Variants in TMPRSS11B observed in about 807,000 individuals in gnomAD.
TMPRSS11B encodes transmembrane serine protease 11B, also known as transmembrane protease serine 11B.
A neutral mutation model predicts 44.7 loss-of-function variants in TMPRSS11B; 53 were observed. The observed-to-expected ratio is 1.19, with a 90% CI of 0.95 to 1.49. The LOEUF is 1.49. Among genes scored for constraint, TMPRSS11B ranks in the 40% most tolerant of loss-of-function variants. TMPRSS11B has a pLI of 0.00. For missense variants in TMPRSS11B, 526 were observed against 494.8 expected, an observed-to-expected ratio of 1.06 and a Z score of -0.60; for synonymous variants, 140 against 159.2, an observed-to-expected ratio of 0.88 and a Z score of 0.91.
rs180906425 is a variant in TMPRSS11B, at chr4:68,233,003, C to T, written c.470-587G>A. On this transcript the variant is annotated intron_variant, in intron 5 of 9. Coordinates refer to ENST00000332644, the MANE Select transcript of TMPRSS11B (RefSeq NM_182502.3). ...TATACTTCACTGAGCCCATCCTGCTCTTTAGGGAAATCTCCTTACTAAGAA... is the reference window on the plus strand; with the variant it reads ...TATACTTCACTGAGCCCATCCTGCTTTTTAGGGAAATCTCCTTACTAAGAA... 3.3e-5 allele frequency among the ~76,000 whole-genome samples: 5 copies of T among 152,180 alleles called. No homozygotes were observed. The East Asian group carries it at 9.7e-4, about 29-fold the overall frequency.
At chr4:68,236,479 A>C (rs1033572263) in intron 2 of TMPRSS11B, among the ~76,000 whole-genome samples, 2 of 152,122 alleles carry the variant, frequency 1.3e-5, no homozygotes, top group Admixed American at 6.6e-5. Context: ...CTCAACATTC[A>C]ACCCAGCTTT....
At chr4:68,239,479 T>C (rs1719765378) in intron 2 of TMPRSS11B, among the ~76,000 whole-genome samples, 1 of 152,194 alleles carries the variant, frequency 6.6e-6, no homozygotes, top group Admixed American at 6.5e-5. Flanking sequence ...TGAAAAAATG[T>C]CTGTTGTTTA....
chr4:68,242,742 T>G (rs1026953436), intron 1 of TMPRSS11B, among the ~76,000 whole-genome samples: 1 of 151,726 alleles, frequency 6.6e-6, no homozygotes, highest in Non-Finnish European at 1.5e-5. Flanking sequence ...AGCTATTTTT[T>G]TGTAATAGAG....
At position 68,231,335 on chromosome 4, in the gene TMPRSS11B, A is replaced by G. The variant is rs558088126; in HGVS notation, c.554T>C (p.Ile185Thr). Residue 185 changes from isoleucine (I) to threonine (T), a missense_variant, in exon 7 of 10, where the codon ATT becomes ACT. Ile to Thr is a moderately conservative substitution (Grantham distance 89). Coordinates refer to ENST00000332644, the MANE Select transcript of TMPRSS11B (RefSeq NM_182502.3). Reference sequence around the variant, plus strand: ...CTCCAGGGAGCTTTTTCCATTCACAATTTTGTTGCCAGTTATGATACTGTT... The same window carrying G: ...CTCCAGGGAGCTTTTTCCATTCACAGTTTTGTTGCCAGTTATGATACTGTT... ...VANSIITGNK[I>T]VNGKSSLEGA... 14 of 1,613,822 alleles carry G rather than the reference A, an allele frequency of 8.7e-6. No homozygotes were observed. Among genetic ancestry groups the G allele is most frequent in the Middle Eastern group, 1.7e-4 (1 of 6,046 alleles).
intron 7 of TMPRSS11B, 183 bp from the exon 8 acceptor site, chr4:68,229,699 A>G: frequency 3.9e-6 from 2 of 507,000 alleles, no homozygotes; most frequent in Non-Finnish European, 6.8e-6. Flanking sequence ...CTTAAAAATA[A>G]TGCTAAGGAC....
At chr4:68,239,576 A>G (rs1280238177) in intron 2 of TMPRSS11B, among the ~76,000 whole-genome samples, 1 of 152,238 alleles carries the variant, frequency 6.6e-6, no homozygotes, top group African/African-American at 2.4e-5. Flanking sequence ...TCTATATTCT[A>G]TACTGTGGTC....
At chr4:68,228,664 C>G (rs1719419871) in intron 9 of TMPRSS11B, 78 bp downstream of exon 9, 1 of 1,479,068 alleles carries the variant, frequency 6.8e-7, no homozygotes, top group Admixed American at 2.3e-5. Context: ...ATTATTAACA[C>G]AAAAAAAATT....
intron 1 of TMPRSS11B, among the ~76,000 whole-genome samples, chr4:68,242,221 T>A (rs1247746582): frequency 0.18 from 1,392 of 7,680 alleles, 76 homozygotes; most frequent in African/African-American, 0.28. Context: ...TATATAATAT[T>A]ATATTATATT....
At chr4:68,239,063 G>T (rs191907024) in intron 2 of TMPRSS11B, among the ~76,000 whole-genome samples, 24 of 152,186 alleles carry the variant, frequency 1.6e-4, no homozygotes, top group African/African-American at 5.8e-4. Context: ...ATTTTCACTT[G>T]ATTTTTACTG....
intron 1 of TMPRSS11B, among the ~76,000 whole-genome samples, chr4:68,242,356 AT>A (rs1264377714): frequency 1.9e-4 from 15 of 79,490 alleles, no homozygotes; most frequent in Admixed American, 8.7e-4. Context: ...TATATATAAT[AT>A]TATATTATAT....
intron 1 of TMPRSS11B, 100 bp downstream of exon 1, chr4:68,245,451 C>CAG: frequency 4.6e-6 from 6 of 1,314,298 alleles, no homozygotes; most frequent in Non-Finnish European, 6.6e-6. Flanking sequence ...GGAATAAAAA[C>CAG]TAAATTATAA....
chr4:68,233,256 T>G (rs1040507873), intron 5 of TMPRSS11B, among the ~76,000 whole-genome samples: 17 of 152,082 alleles, frequency 1.1e-4, no homozygotes, highest in Non-Finnish European at 1.9e-4. Flanking sequence ...TTCTTATTAG[T>G]GGTTCACTGG....
Position 68,228,018 on chromosome 4 carries a change from C to T in TMPRSS11B, c.1144G>A (p.Val382Ile). The T allele has an allele frequency of 6.2e-7, 1 of 1,613,844 alleles. No homozygotes were observed. Among genetic ancestry groups the T allele is most frequent in the Admixed American group, 1.7e-5 (1 of 59,948 alleles). Residue 382 changes from valine to isoleucine, a missense_variant, in exon 10 of 10, where the codon GTT becomes ATT. Coordinates refer to ENST00000332644, the MANE Select transcript of TMPRSS11B (RefSeq NM_182502.3). ...CCATCACCCCAGCTTACTATTCCAA[C>T]AAGATGCCAGATATTTCTGGAATCA... ...YPDSRNIWHLVGIVSWGDGCG... is the reference protein window; with the variant it reads ...YPDSRNIWHLIGIVSWGDGCG...
At chr4:68,230,675 G>A (rs4860921) in intron 7 of TMPRSS11B, among the ~76,000 whole-genome samples, 108,264 of 151,842 alleles carry the variant, frequency 0.71, 39,963 homozygotes, top group East Asian at 0.99. Context: ...ATAGTGGTGC[G>A]TGCCTGTAAT....
Position 68,236,252 on chromosome 4 carries a change from A to G in TMPRSS11B, c.139T>C (p.Tyr47His). Reference sequence around the variant, plus strand: ...CCAGAAATATGAAAATCACCTTGATAATAGTAAGTCTTCTCTGCAAAATTA... The same window carrying G: ...CCAGAAATATGAAAATCACCTTGATGATAGTAAGTCTTCTCTGCAAAATTA... ...HFLAVEKTYY[Y>H]QGDFHISGVT... is the part of the protein sequence containing the mutation. The change falls in exon 3 of 10, where the codon TAT (tyrosine) becomes CAT (histidine). Residue 47 changes from tyrosine to histidine, a missense_variant. Transcript: ENST00000332644. 1 of 1,600,956 alleles carries G rather than the reference A, an allele frequency of 6.2e-7. No homozygotes were observed. The highest frequency in any genetic ancestry group is 8.5e-7 in the Non-Finnish European group (1 of 1,173,098).
At chr4:68,235,453 C>A (rs1719632204) in intron 4 of TMPRSS11B, among the ~76,000 whole-genome samples, 1 of 152,046 alleles carries the variant, frequency 6.6e-6, no homozygotes, top group Non-Finnish European at 1.5e-5. Context: ...ATTACTCTTC[C>A]CCCATACACT....
At chr4:68,243,325 T>A (rs1024545839) in intron 1 of TMPRSS11B, among the ~76,000 whole-genome samples, 1 of 152,182 alleles carries the variant, frequency 6.6e-6, no homozygotes, top group Non-Finnish European at 1.5e-5. Flanking sequence ...AACTGACTTT[T>A]AGGTAGATAC....
chr4:68,231,459 T>G, intron 6 of TMPRSS11B, 79 bp from the exon 7 acceptor site: 1 of 1,315,018 alleles, frequency 7.6e-7, no homozygotes, highest in Non-Finnish European at 1.0e-6. Flanking sequence ...AAAAATTACT[T>G]GAAACCTTTC....
intron 2 of TMPRSS11B, among the ~76,000 whole-genome samples, chr4:68,240,588 A>G (rs1285689951): frequency 6.6e-6 from 1 of 152,186 alleles, no homozygotes; most frequent in Non-Finnish European, 1.5e-5. Context: ...TTTTTTCACA[A>G]GGGCTTGATT....
Sources: allele counts gnomAD v4.1 joint callset (sites outside exome capture counted in the v4.1 genomes callset), GRCh38; gene constraint gnomAD v4.1.1; transcripts MANE v1.5; gene names NCBI Gene and HGNC (gene_info 2026-07-23, HGNC 2026-07-21).